The following STK35 variants were observed in gnomAD, a reference collection of about 807,000 sequenced individuals.
The protein encoded by STK35 is serine/threonine-protein kinase 35.
STK35 carries 17 observed loss-of-function variants against 37.3 expected under a neutral mutation model. The observed-to-expected ratio is 0.46, with a 90% CI of 0.31 to 0.68. The LOEUF (loss-of-function observed/expected upper bound fraction) is 0.68. STK35 is among the 30% of genes least tolerant of loss of function. The pLI, the probability that STK35 is intolerant of heterozygous loss-of-function variation, is 0.05. For missense variants in STK35, 595 were observed against 746.7 expected, an observed-to-expected ratio of 0.80 and a Z score of 2.37; for synonymous variants, 385 against 319.1, an observed-to-expected ratio of 1.21 and a Z score of -2.20.
Position 2,103,187 on chromosome 20 carries a change from C to A in STK35, c.714C>A (p.Pro238=). The change falls in exon 2 of 4, where the codon CCC becomes CCA. Residue 238 remains proline, a synonymous_variant. Transcript: ENST00000381482. ...VAVKKIRCDA[P]ENVELALAEF... ...TCAAGAAGATCCGCTGCGACGCCCC[C>A]GAGAACGTGGAGCTGGCGCTGGCTG... The A allele has an allele frequency of 6.2e-7, 1 of 1,609,088 alleles. No homozygotes were observed. Among genetic ancestry groups the A allele is most frequent in the Non-Finnish European group, 8.5e-7 (1 of 1,179,312 alleles).
In STK35 at chr20:2,103,023, G is replaced by A. The variant is rs1394930456; in HGVS notation, c.550G>A (p.Ala184Thr). 1.4e-6 allele frequency: 2 copies of A among 1,460,458 alleles called. No homozygotes were observed. Among genetic ancestry groups the A allele is most frequent in the Non-Finnish European group, 1.8e-6 (2 of 1,117,514 alleles). 90.5% of individuals were successfully genotyped at this position (1,460,458 alleles called of 1,614,324 possible). The change falls in exon 2 of 4, where the codon GCC becomes ACC. Residue 184 changes from alanine (A) to threonine (T), a missense_variant. Transcript: ENST00000381482. ...DPVAAEAPGEAFLARRRPEGG... is the reference protein window; with the variant it reads ...DPVAAEAPGETFLARRRPEGG... ...GGTGGCGGCCGAGGCCCCGGGCGAG[G>A]CCTTCCTGGCGCGGCGACGGCCTGA...
intron 3 of STK35, among the ~76,000 whole-genome samples, chr20:2,128,842 CT>C (rs1322674255): frequency 1.3e-5 from 2 of 152,100 alleles, no homozygotes; most frequent in Non-Finnish European, 2.9e-5. Flanking sequence ...TAAGTGGAAT[CT>C]GTGGGGGGTT....
chr20:2,136,877 G>A (rs1416708503), intron 3 of STK35, among the ~76,000 whole-genome samples: 2 of 152,220 alleles, frequency 1.3e-5, no homozygotes, highest in Non-Finnish European at 2.9e-5. Context: ...GGACAGAAGA[G>A]TTCCCATAGA....
At chr20:2,122,766 G>C (rs141341332) in intron 3 of STK35, among the ~76,000 whole-genome samples, 1 of 152,170 alleles carries the variant, frequency 6.6e-6, no homozygotes, top group Non-Finnish European at 1.5e-5. Flanking sequence ...CTTTGGCCTA[G>C]GTAGAAGTAT....
chr20:2,133,337 ACAG>A (rs1986031089), intron 3 of STK35, among the ~76,000 whole-genome samples: 1 of 152,172 alleles, frequency 6.6e-6, no homozygotes, highest in Admixed American at 6.5e-5. Context: ...TTTGCTAATC[ACAG>A]CAGCCACAAC....
chr20:2,104,946 A>G (rs1985485658), intron 2 of STK35, among the ~76,000 whole-genome samples: 1 of 151,976 alleles, frequency 6.6e-6, no homozygotes, highest in African/African-American at 2.4e-5. Context: ...TGAGCCCAGG[A>G]GTTTGGGAAC....
At position 2,117,713 on chromosome 20, in the gene STK35, G is replaced by T. The variant is rs1985742025; in HGVS notation, c.*37+298G>T. ...GCTGGTCTCAGCCTCCCAAAGTGCT[G>T]GGATTACAGTTGTGAGCCACCATGC... On this transcript the variant is annotated intron_variant, in intron 3 of 3. Transcript: ENST00000381482. This position sits in a 1 kb window ranked among gnomAD's most constrained non-coding sequence, Gnocchi z 4.4. 6.6e-6 allele frequency among the ~76,000 whole-genome samples: 1 copy of T among 152,182 alleles called. No individual in the cohort carries two copies. Among genetic ancestry groups the T allele is most frequent in the South Asian group, 2.1e-4 (1 of 4,832 alleles).
At chr20:2,131,049 G>A (rs140717432) in intron 3 of STK35, among the ~76,000 whole-genome samples, 336 of 152,304 alleles carry the variant, frequency 2.2e-3, no homozygotes, top group African/African-American at 7.3e-3. Flanking sequence ...ATACTCATGC[G>A]TCACTTAATG....
At chr20:2,126,115 A>C (rs377522287) in intron 3 of STK35, among the ~76,000 whole-genome samples, 1 of 152,182 alleles carries the variant, frequency 6.6e-6, no homozygotes, top group Non-Finnish European at 1.5e-5. Flanking sequence ...CACTCACTGA[A>C]TCCTGACTTA....
At chr20:2,108,066 A>G in intron 2 of STK35, among the ~76,000 whole-genome samples, 1 of 152,238 alleles carries the variant, frequency 6.6e-6, no homozygotes, top group African/African-American at 2.4e-5. Context: ...CAGCTAAGCA[A>G]GTAACCAAGT....
chr20:2,117,871 C>T lies in STK35; in HGVS notation c.*37+456C>T, dbSNP rs932935428. 3.9e-5 allele frequency among the ~76,000 whole-genome samples: 6 copies of T among 152,198 alleles called. No homozygotes were observed. Among genetic ancestry groups the T allele is most frequent in the African/African-American group, 1.2e-4 (5 of 41,434 alleles). On this transcript the variant is annotated intron_variant, in intron 3 of 3. Coordinates refer to ENST00000381482, the MANE Select transcript of STK35 (RefSeq NM_080836.4). The surrounding 1 kb of genome is among the most constrained non-coding windows in gnomAD (Gnocchi z 4.4). Reference sequence around the variant, plus strand: ...TGAAGTGCTTCTTTTCAAAGATCCCCCCCATATCTTGATGGGAGAAACGTG... The same window carrying T: ...TGAAGTGCTTCTTTTCAAAGATCCCTCCCATATCTTGATGGGAGAAACGTG...
At chr20:2,111,571 G>A (rs892628888) in intron 2 of STK35, among the ~76,000 whole-genome samples, 2 of 152,138 alleles carry the variant, frequency 1.3e-5, no homozygotes, top group South Asian at 4.1e-4. Context: ...GGTGGTGCAT[G>A]GTTGTAATCC....
rs986982481 is a variant in STK35 at position 2,147,620 on chromosome 20, C to G, written c.*3874C>G. ...TCCTTCCAGCCCTGCCCACCAAGTGCAGCTCCCACTTTCCATCCTGCCCAT... is the reference window on the plus strand; with the variant it reads ...TCCTTCCAGCCCTGCCCACCAAGTGGAGCTCCCACTTTCCATCCTGCCCAT... On this transcript the variant is annotated 3_prime_UTR_variant, in exon 4 of 4. Coordinates refer to ENST00000381482, the MANE Select transcript of STK35 (RefSeq NM_080836.4). The G allele has an allele frequency of 2.0e-5, 3 of 152,562 alleles. No individual in the cohort carries two copies. Among genetic ancestry groups the G allele is most frequent in the Admixed American group, 1.3e-4 (2 of 15,292 alleles). The allele number at this position is 152,562 out of a possible 1,614,324, so 9.5% of individuals were successfully genotyped here.
intron 3 of STK35, among the ~76,000 whole-genome samples, chr20:2,141,853 C>T (rs1455585981): frequency 6.6e-6 from 1 of 152,176 alleles, no homozygotes; most frequent in Non-Finnish European, 1.5e-5. Flanking sequence ...TATATCAGTG[C>T]GTTGAAGGAT....
intron 1 of STK35, among the ~76,000 whole-genome samples, 155 bp from the exon 2 acceptor site, chr20:2,102,613 G>A (rs906312116): frequency 2.6e-5 from 4 of 152,184 alleles, no homozygotes; most frequent in African/African-American, 9.6e-5. Context: ...GGTCTTTCCC[G>A]CTTTCCCCTC....
chr20:2,104,828 A>C (rs1381451948), intron 2 of STK35, among the ~76,000 whole-genome samples: 2 of 151,874 alleles, frequency 1.3e-5, no homozygotes, highest in Admixed American at 1.3e-4. Flanking sequence ...TGAGAAGCCT[A>C]CCCTCTCCCC....
intron 3 of STK35, among the ~76,000 whole-genome samples, chr20:2,143,344 C>G (rs1035417956): frequency 5.9e-5 from 9 of 152,196 alleles, no homozygotes; most frequent in Non-Finnish European, 1.3e-4. Context: ...GAGAGGGTTG[C>G]TGTGGCGTTT....
At chr20:2,134,418 C>T (rs1331930894) in intron 3 of STK35, among the ~76,000 whole-genome samples, 1 of 152,196 alleles carries the variant, frequency 6.6e-6, no homozygotes, top group African/African-American at 2.4e-5. Context: ...CCCTCAGCCC[C>T]AGCCACACAA....
chr20:2,134,616 C>T (rs1458019943), intron 3 of STK35, among the ~76,000 whole-genome samples: 2 of 151,856 alleles, frequency 1.3e-5, no homozygotes, highest in Admixed American at 6.6e-5. Context: ...TGGGGCCTGG[C>T]GCGGTGGCTC....
Sources: gnomAD v4.1 joint callset for allele counts (sites outside exome capture counted in the v4.1 genomes callset) on GRCh38, gnomAD v4.1.1 for gene constraint, Gnocchi (gnomAD v3.1) non-coding constraint, MANE v1.5 for transcripts, NCBI Gene and HGNC (gene_info 2026-07-23, HGNC 2026-07-21) for gene names.